Variants in ANKRD50 observed in about 807,000 individuals in gnomAD.
ANKRD50 encodes ankyrin repeat domain-containing protein 50.
Under a neutral mutation model 112.0 loss-of-function variants are expected in ANKRD50, and 40 were observed. The ratio of observed to expected loss-of-function variants is 0.36; its 90% CI spans 0.28 to 0.46. The LOEUF is 0.46. Ranked by LOEUF, ANKRD50 falls within the 20% of genes least tolerant of loss-of-function variation. ANKRD50 has a pLI of 1.00. For synonymous variants in ANKRD50, 613 were observed against 619.1 expected (o/e 0.99, Z 0.15); for missense variants, 1,487 against 1,701.7 (o/e 0.87, Z 2.22).
At chr4:124,709,581 T>TA (rs1281249638) in intron 2 of ANKRD50, among the ~76,000 whole-genome samples, 1 of 151,954 alleles carries the variant, frequency 6.6e-6, no homozygotes, top group South Asian at 2.1e-4. Flanking sequence ...CTTTCTTACT[T>TA]AAAAAAATAC....
intron 2 of ANKRD50, among the ~76,000 whole-genome samples, chr4:124,698,346 A>C (rs13435256): frequency 0.043 from 6,460 of 151,946 alleles, 161 homozygotes; most frequent in Middle Eastern, 0.076. Context: ...TTCTCTTCTA[A>C]ATATACATAC....
Position 124,670,964 on chromosome 4 carries a change from T to G in ANKRD50, c.2313A>C (p.Gly771=). ...TGTTATCTGTGTGATCTACATCTGC[T>G]CCCCCTTCTAGAAGCAAGTCAACCA... ...VDVVDLLLEG[G]ADVDHTDNNG... is the part of the protein sequence containing the mutation. The change falls in exon 4 of 5, where the codon GGA becomes GGC. Residue 771 remains glycine, a synonymous_variant. Coordinates refer to ENST00000504087, the MANE Select transcript of ANKRD50 (RefSeq NM_020337.3). 2 of 1,613,720 alleles carry G rather than the reference T, an allele frequency of 1.2e-6. No individual in the cohort carries two copies. The highest frequency in any genetic ancestry group is 1.7e-6 in the Non-Finnish European group (2 of 1,179,866).
In ANKRD50 at chr4:124,669,640, A is replaced by G; in HGVS notation, c.3637T>C (p.Ser1213Pro). ...TGCTGCTGAATTTGTTCTGTAAATG[A>G]CAAGTTATGAAAGCTATCAATTGGC... The part of the protein sequence containing the change: ...TVPIDSFHNL[S>P]FTEQIQQHSL... The change falls in exon 4 of 5, where the codon TCA becomes CCA. Residue 1213 changes from serine (S) to proline (P), a missense_variant. Around this residue, in one of 2 missense-constraint regions of ANKRD50, gnomAD observed 441 missense variants for 432.2 expected, o/e 1.02. Coordinates refer to ENST00000504087, the MANE Select transcript of ANKRD50 (RefSeq NM_020337.3). 2 of 1,613,444 alleles carry G rather than the reference A, an allele frequency of 1.2e-6. No homozygotes were observed. Among genetic ancestry groups the G allele is most frequent in the South Asian group, 1.1e-5 (1 of 90,874 alleles).
intron 2 of ANKRD50, among the ~76,000 whole-genome samples, chr4:124,685,552 T>C (rs1204027424): frequency 6.6e-6 from 1 of 152,204 alleles, no homozygotes; most frequent in Non-Finnish European, 1.5e-5. Context: ...CTTTTCTGTA[T>C]TTGTGAATAT....
At chr4:124,690,108 C>T (rs1396059471) in intron 2 of ANKRD50, among the ~76,000 whole-genome samples, 1 of 151,960 alleles carries the variant, frequency 6.6e-6, no homozygotes, top group African/African-American at 2.4e-5. Context: ...AAAGGAAATG[C>T]TAGAGTTACA....
At chr4:124,667,581 CTTTA>C (rs966750597) in intron 4 of ANKRD50, 67 bp from the exon 5 acceptor site, 17 of 152,038 alleles carry the variant, frequency 1.1e-4, no homozygotes, top group South Asian at 2.1e-4. Context: ...CATTTTAAAA[CTTTA>C]TTTAATACAT....
chr4:124,666,938 T>C lies in ANKRD50; in HGVS notation c.*580A>G, dbSNP rs1399097287. 1 of 151,978 alleles carries C rather than the reference T, an allele frequency of 6.6e-6. No homozygotes were observed. The highest frequency in any genetic ancestry group is 1.5e-5 in the Non-Finnish European group (1 of 67,918). The allele number at this position is 151,978 out of a possible 1,614,324, so 9.4% of individuals were successfully genotyped here. On this transcript the variant is annotated 3_prime_UTR_variant, in exon 5 of 5. Coordinates refer to ENST00000504087, the MANE Select transcript of ANKRD50 (RefSeq NM_020337.3). ...ATATTTTTTTTAAACTGCCAAGAAATCATTTTTTCATTTCAATGTGATATT... is the reference window on the plus strand; with the variant it reads ...ATATTTTTTTTAAACTGCCAAGAAACCATTTTTTCATTTCAATGTGATATT...
At chr4:124,698,119 T>C (rs1725292962) in intron 2 of ANKRD50, among the ~76,000 whole-genome samples, 1 of 151,796 alleles carries the variant, frequency 6.6e-6, no homozygotes, top group African/African-American at 2.4e-5. Flanking sequence ...TACAAGATAT[T>C]TGAATAATGA....
intron 2 of ANKRD50, among the ~76,000 whole-genome samples, chr4:124,700,306 C>A (rs928250490): frequency 6.6e-6 from 1 of 152,146 alleles, no homozygotes; most frequent in Admixed American, 6.5e-5. Flanking sequence ...CAAGGGTAGA[C>A]CATGTAGAGC....
chr4:124,667,070 T>C lies in ANKRD50; in HGVS notation c.*448A>G, dbSNP rs1730509804. 1 of 151,908 alleles carries C rather than the reference T, an allele frequency of 6.6e-6. No individual in the cohort carries two copies. Among genetic ancestry groups the C allele is most frequent in the African/African-American group, 2.4e-5 (1 of 41,378 alleles). The allele number at this position is 151,908 out of a possible 1,614,324, so 9.4% of individuals were successfully genotyped here. On this transcript the variant is annotated 3_prime_UTR_variant, in exon 5 of 5. Transcript: ENST00000504087. ...CTTTAAAGATACAAGAAACAGGCCA[T>C]ACACTACAATGCAATGTGACTGAAA...
chr4:124,684,019 G>T, intron 2 of ANKRD50, among the ~76,000 whole-genome samples: 1 of 147,306 alleles, frequency 6.8e-6, no homozygotes, highest in Admixed American at 6.9e-5. Context: ...TCATTCTGTT[G>T]TTTCACCAAC....
chr4:124,704,190 TATTTA>T (rs1187516574), intron 2 of ANKRD50, among the ~76,000 whole-genome samples: 1 of 152,240 alleles, frequency 6.6e-6, no homozygotes, highest in Non-Finnish European at 1.5e-5. Flanking sequence ...TCACTTATTT[TATTTA>T]AAACTTGAAT....
chr4:124,671,782 G>A lies in ANKRD50; in HGVS notation c.1495C>T (p.Leu499=), dbSNP rs1230042960. 6.2e-7 allele frequency: 1 copy of A among 1,613,806 alleles called. No individual in the cohort carries two copies. The highest frequency in any genetic ancestry group is 1.7e-5 in the Admixed American group (1 of 59,958). The part of the protein sequence containing the change: ...LIPKEQEVLQ[L]LVKAGAHVNS... Reference sequence around the variant, plus strand: ...ACATGAGCCCCAGCTTTAACCAACAGCTGTAGCACTTCTTGTTCCTTGGGT... The same window carrying A: ...ACATGAGCCCCAGCTTTAACCAACAACTGTAGCACTTCTTGTTCCTTGGGT... Residue 499 remains leucine, a synonymous_variant, in exon 4 of 5, where the codon CTG becomes TTG. Transcript: ENST00000504087.
chr4:124,706,800 T>G, intron 2 of ANKRD50, among the ~76,000 whole-genome samples: 1 of 152,076 alleles, frequency 6.6e-6, no homozygotes, highest in East Asian at 1.9e-4. Context: ...CTACCCTACC[T>G]TAAGCATGCT....
chr4:124,699,166 C>T (rs1255580057), intron 2 of ANKRD50, among the ~76,000 whole-genome samples: 2 of 151,396 alleles, frequency 1.3e-5, no homozygotes, highest in African/African-American at 4.9e-5. Context: ...TAGAGTAGAT[C>T]TGAATTAGAA....
At chr4:124,702,701 C>T (rs1020525650) in intron 2 of ANKRD50, among the ~76,000 whole-genome samples, 6 of 152,156 alleles carry the variant, frequency 3.9e-5, no homozygotes, top group Non-Finnish European at 8.8e-5. Context: ...CTTTATCATC[C>T]TGTTTCTTCC....
intron 2 of ANKRD50, among the ~76,000 whole-genome samples, chr4:124,699,272 T>C (rs970883950): frequency 1.4e-5 from 2 of 146,074 alleles, no homozygotes; most frequent in South Asian, 4.3e-4. Flanking sequence ...AAAAAAAAAA[T>C]TGGGTAGGTA....
At position 124,709,861 on chromosome 4, in the gene ANKRD50, G is replaced by T. The variant is rs1038910838; in HGVS notation, c.512+139C>A. The T allele has an allele frequency of 5.1e-5, 58 of 1,127,054 alleles. No individual in the cohort carries two copies. In the East Asian group the frequency reaches 1.4e-3, roughly 26 times the overall value. The allele number at this position is 1,127,054 out of a possible 1,614,324, so 69.8% of individuals were successfully genotyped here. ...TTCCTTTGATATTCAAAGTAAACAG[G>T]TATACTCATAACTTCAGATTAAGGC... On this transcript the variant is annotated intron_variant, in intron 2 of 4. Coordinates refer to ENST00000504087, the MANE Select transcript of ANKRD50 (RefSeq NM_020337.3).
intron 3 of ANKRD50, among the ~76,000 whole-genome samples, chr4:124,674,985 CTTA>C (rs1208130727): frequency 6.6e-6 from 1 of 151,712 alleles, no homozygotes; most frequent in Non-Finnish European, 1.5e-5. Context: ...ATGTAATCCT[CTTA>C]TTATGAACAC....
Sources: gnomAD v4.1 joint callset for allele counts (sites outside exome capture counted in the v4.1 genomes callset) on GRCh38, gnomAD v4.1.1 for gene constraint, gnomAD v4.1.1 regional missense constraint, MANE v1.5 for transcripts, NCBI Gene and HGNC (gene_info 2026-07-23, HGNC 2026-07-21) for gene names.